Variants in XKR4 observed in about 807,000 individuals in gnomAD.
XKR4 encodes XK-related protein 4.
In XKR4, 12 loss-of-function variants were observed where a neutral mutation model predicts 53.9. The ratio of observed to expected loss-of-function variants is 0.22; its 90% CI spans 0.14 to 0.36. The LOEUF (loss-of-function observed/expected upper bound fraction) is 0.36. Among genes scored for constraint, XKR4 ranks in the 10% least tolerant of loss-of-function variants. The pLI is 1.00. For missense variants in XKR4, 799 were observed against 859.5 expected (o/e 0.93, Z 0.88); for synonymous variants, 354 against 362.4 (o/e 0.98, Z 0.26).
At chr8:55,424,525 A>G (rs1022618802) in intron 2 of XKR4, among the ~76,000 whole-genome samples, 2 of 152,240 alleles carry the variant, frequency 1.3e-5, no homozygotes, top group African/African-American at 4.8e-5. Flanking sequence ...AATACAAGGC[A>G]TCTAATAAAA....
At chr8:55,479,274 C>G (rs542217305) in intron 2 of XKR4, among the ~76,000 whole-genome samples, 1 of 152,014 alleles carries the variant, frequency 6.6e-6, no homozygotes, top group East Asian at 1.9e-4. Context: ...TACATGGAAA[C>G]TGAATAACCT....
intron 1 of XKR4, among the ~76,000 whole-genome samples, chr8:55,271,788 T>G (rs1012247951): frequency 1.3e-5 from 2 of 152,200 alleles, no homozygotes; most frequent in Non-Finnish European, 2.9e-5. Flanking sequence ...TATTAATCAA[T>G]TCCCAGCCAT....
intron 1 of XKR4, among the ~76,000 whole-genome samples, chr8:55,236,338 T>C (rs944335568): frequency 6.6e-6 from 1 of 152,188 alleles, no homozygotes; most frequent in Non-Finnish European, 1.5e-5. Context: ...GGATCTCCAG[T>C]GGTTCCTGGC....
chr8:55,266,937 T>G (rs757630240), intron 1 of XKR4, among the ~76,000 whole-genome samples: 1 of 152,188 alleles, frequency 6.6e-6, no homozygotes, highest in Non-Finnish European at 1.5e-5. Flanking sequence ...TTACAGGACT[T>G]GTGTCCCCTA....
rs76789732 is a variant in XKR4, at chr8:55,226,961, C to T, written c.806+123667C>T. Among the ~76,000 whole-genome samples, 705 of 152,262 alleles carry T rather than the reference C, an allele frequency of 4.6e-3. 6 individuals are homozygous for T. Among genetic ancestry groups the T allele is most frequent in the African/African-American group, 0.016 (656 of 41,540 alleles). On this transcript the variant is annotated intron_variant, in intron 1 of 2. Coordinates refer to ENST00000327381, the MANE Select transcript of XKR4 (RefSeq NM_052898.2). ...TCAGCTTGCCCTTCCTATCTGGCTG[C>T]TTCCCAAAAGGCACCCACAACCTGG...
intron 2 of XKR4, among the ~76,000 whole-genome samples, chr8:55,485,777 C>T (rs1342427529): frequency 2.6e-5 from 4 of 152,124 alleles, no homozygotes; most frequent in African/African-American, 4.8e-5. Flanking sequence ...TGGTCAGTTG[C>T]CCACTGGGGC....
chr8:55,409,577 T>TC (rs397781385), intron 2 of XKR4, among the ~76,000 whole-genome samples: 5 of 151,924 alleles, frequency 3.3e-5, no homozygotes, highest in African/African-American at 4.8e-5. Flanking sequence ...TTTTTTTTTT[T>TC]CTTTTTTGAC....
chr8:55,119,655 T>C (rs902798202), intron 1 of XKR4, among the ~76,000 whole-genome samples: 6 of 152,196 alleles, frequency 3.9e-5, no homozygotes, highest in Admixed American at 3.3e-4. Flanking sequence ...AACAGTTTCC[T>C]TTTCAAAGTG....
At chr8:55,409,021 A>AAG (rs1804735784) in intron 2 of XKR4, among the ~76,000 whole-genome samples, 1 of 151,802 alleles carries the variant, frequency 6.6e-6, no homozygotes, top group African/African-American at 2.4e-5. Flanking sequence ...AAAAAAAAAA[A>AAG]AAAAGGAGCC....
At chr8:55,267,332 G>T (rs1000126798) in intron 1 of XKR4, among the ~76,000 whole-genome samples, 2 of 152,170 alleles carry the variant, frequency 1.3e-5, no homozygotes, top group African/African-American at 4.8e-5. Flanking sequence ...CACTGTTGAG[G>T]CTGTAAAGAA....
chr8:55,428,553 C>T (rs916921383), intron 2 of XKR4, among the ~76,000 whole-genome samples: 1 of 152,218 alleles, frequency 6.6e-6, no homozygotes, highest in Non-Finnish European at 1.5e-5. Flanking sequence ...TCCCAAACCG[C>T]ACCGGAGTGG....
At chr8:55,482,453 G>T (rs540299969) in intron 2 of XKR4, among the ~76,000 whole-genome samples, 81 of 152,104 alleles carry the variant, frequency 5.3e-4, no homozygotes, top group African/African-American at 1.9e-3. Context: ...GCTAAATGAC[G>T]AGTTAATGGG....
chr8:55,335,564 C>A (rs897488932), intron 1 of XKR4, among the ~76,000 whole-genome samples: 2 of 152,082 alleles, frequency 1.3e-5, no homozygotes, highest in African/African-American at 4.8e-5. Context: ...AGCAGCAATC[C>A]CACTTATAGT....
rs116531343 is a variant in XKR4 at position 55,232,731 on chromosome 8, C to A, written c.807-124947C>A. 5.1e-3 allele frequency among the ~76,000 whole-genome samples: 778 copies of A among 152,278 alleles called. 10 individuals are homozygous for A. Among genetic ancestry groups the A allele is most frequent in the African/African-American group, 0.018 (750 of 41,552 alleles). On this transcript the variant is annotated intron_variant, in intron 1 of 2. Transcript: ENST00000327381. ...CAAACTCTCAGGATGATTTTCCTCC[C>A]TATTCTTAAGACAGCATCTGTTTTG...
chr8:55,170,872 G>T (rs902722855), intron 1 of XKR4, among the ~76,000 whole-genome samples: 3 of 152,100 alleles, frequency 2.0e-5, no homozygotes, highest in Admixed American at 6.5e-5. Context: ...GAGCTGCACG[G>T]CTCCTAGTCT....
chr8:55,197,877 A>T (rs1817526241), intron 1 of XKR4, among the ~76,000 whole-genome samples: 1 of 152,164 alleles, frequency 6.6e-6, no homozygotes, highest in Admixed American at 6.5e-5. Context: ...AAGTTTCATG[A>T]CTAAAATTCC....
chr8:55,390,361 A>T (rs921321918), intron 2 of XKR4, among the ~76,000 whole-genome samples: 1 of 152,222 alleles, frequency 6.6e-6, no homozygotes, highest in African/African-American at 2.4e-5. Flanking sequence ...AAGGAATTAC[A>T]GTCTTTGTCC....
At chr8:55,263,375 T>A (rs1818555354) in intron 1 of XKR4, among the ~76,000 whole-genome samples, 1 of 152,300 alleles carries the variant, frequency 6.6e-6, no homozygotes, top group African/African-American at 2.4e-5. Context: ...AGGTCCTAAG[T>A]GCACCCCATG....
chr8:55,322,964 AT>A (rs1232956165), intron 1 of XKR4, among the ~76,000 whole-genome samples: 2 of 152,030 alleles, frequency 1.3e-5, no homozygotes, highest in East Asian at 1.9e-4. Context: ...GTCATCTTGT[AT>A]TTTTTTCTCA....
Sources: allele counts gnomAD v4.1 joint callset (sites outside exome capture counted in the v4.1 genomes callset), GRCh38; gene constraint gnomAD v4.1.1; transcripts MANE v1.5; gene names NCBI Gene and HGNC (gene_info 2026-07-23, HGNC 2026-07-21).